DCPS: variants seen among roughly 807,000 people sequenced by gnomAD.
DCPS encodes m7GpppX diphosphatase.
DCPS carries 27 observed loss-of-function variants against 34.7 expected under a neutral mutation model. The ratio of observed to expected loss-of-function variants is 0.78; its 90% CI spans 0.57 to 1.07. The LOEUF (loss-of-function observed/expected upper bound fraction) is 1.07, where lower values mean the gene tolerates loss of function less well. Among genes scored for constraint, DCPS ranks in the 50% least tolerant of loss-of-function variants. The pLI is 0.00. For missense variants in DCPS, 464 were observed against 436.9 expected, an observed-to-expected ratio of 1.06 and a Z score of -0.55; for synonymous variants, 185 against 185.7, an observed-to-expected ratio of 1.00 and a Z score of 0.03.
rs1951632327 is a variant in DCPS, at chr11:126,313,254, C to T, written c.376+6510C>T. On this transcript the variant is annotated intron_variant, in intron 2 of 5. Transcript: ENST00000263579. The surrounding 1 kb of genome is among the most constrained non-coding windows in gnomAD (Gnocchi z 4.9). Reference sequence around the variant, plus strand: ...ATCCTGGGAATCGTTTCTCTGGTTGCAGGGAACTCCCGGTACTGTAGCCAC... The same window carrying T: ...ATCCTGGGAATCGTTTCTCTGGTTGTAGGGAACTCCCGGTACTGTAGCCAC... Among the ~76,000 whole-genome samples the T allele has an allele frequency of 6.6e-6, 1 of 152,158 alleles. No individual in the cohort carries two copies. Among genetic ancestry groups the T allele is most frequent in the Non-Finnish European group, 1.5e-5 (1 of 68,030 alleles).
chr11:126,345,292 C>T lies in DCPS; in HGVS notation c.748-55C>T, dbSNP rs912792065. On this transcript the variant is annotated intron_variant, in intron 5 of 5. Coordinates refer to ENST00000263579, the MANE Select transcript of DCPS (RefSeq NM_014026.6). This position sits in a 1 kb window ranked among gnomAD's most constrained non-coding sequence, Gnocchi z 7.4. Reference sequence around the variant, plus strand: ...GAGGAGGGTCTAGGTGGGGACATGGCGCCGGGCCTCAGGCAGCACGGTGAC... The same window carrying T: ...GAGGAGGGTCTAGGTGGGGACATGGTGCCGGGCCTCAGGCAGCACGGTGAC... 71 of 1,597,728 alleles carry T rather than the reference C, an allele frequency of 4.4e-5. No homozygotes were observed. The highest frequency in any genetic ancestry group is 1.8e-4 in the Admixed American group (11 of 59,562).
rs558922669 is a variant in DCPS at position 126,304,064 on chromosome 11, A to C, written c.-17A>C. On this transcript the variant is annotated 5_prime_UTR_variant, in exon 1 of 6. Coordinates refer to ENST00000263579, the MANE Select transcript of DCPS (RefSeq NM_014026.6). ...GCCAGCGCAGGGGGCGCAGGCGCAC[A>C]CCGCCTCCGCGGCAGCATGGCGGAC... 1.3e-6 allele frequency: 2 copies of C among 1,574,538 alleles called. No individual in the cohort carries two copies. Among genetic ancestry groups the C allele is most frequent in the South Asian group, 2.3e-5 (2 of 87,764 alleles).
At chr11:126,311,558 T>C (rs539800134) in intron 2 of DCPS, among the ~76,000 whole-genome samples, 10 of 152,276 alleles carry the variant, frequency 6.6e-5, no homozygotes, top group Non-Finnish European at 1.3e-4. Context: ...GCAGTGGAGC[T>C]GACACCCAGG....
At position 126,348,022 on chromosome 11, in the gene DCPS, G is replaced by A. The variant is rs550643827; in HGVS notation, c.*2409G>A. ...TCCACGGGCTCCCGCTGACCTTGCC[G>A]TTCCTTCCCCTCATCTCGTAGCGCC... On this transcript the variant is annotated 3_prime_UTR_variant, in exon 6 of 6. Transcript: ENST00000263579. The surrounding 1 kb of genome is among the most constrained non-coding windows in gnomAD (Gnocchi z 5.3). 1.2e-4 allele frequency among the ~76,000 whole-genome samples: 19 copies of A among 152,086 alleles called. No homozygotes were observed. Among genetic ancestry groups the A allele is most frequent in the Admixed American group, 7.2e-4 (11 of 15,270 alleles).
intron 2 of DCPS, among the ~76,000 whole-genome samples, chr11:126,309,344 C>T (rs983622609): frequency 7.2e-5 from 11 of 152,146 alleles, no homozygotes; most frequent in African/African-American, 2.7e-4. Context: ...TAAGTCATCC[C>T]TCAGTATCCA....
At position 126,345,572 on chromosome 11, in the gene DCPS, G is replaced by A. The variant is rs780170888; in HGVS notation, c.973G>A (p.Asp325Asn). 4.3e-5 allele frequency: 69 copies of A among 1,613,682 alleles called. No homozygotes were observed. Among genetic ancestry groups the A allele is most frequent in the Non-Finnish European group, 5.8e-5 (69 of 1,180,008 alleles). The change falls in exon 6 of 6, where the codon GAC becomes AAC. Residue 325 changes from aspartate (D) to asparagine (N), a missense_variant. By Grantham distance (23) the Asp-to-Asn change is conservative. Coordinates refer to ENST00000263579, the MANE Select transcript of DCPS (RefSeq NM_014026.6). The surrounding 1 kb of genome is among the most constrained non-coding windows in gnomAD (Gnocchi z 7.4). ...GCTCACCTTCGCCCTCAGGGCTGAC[G>A]ACCCCCTGCTCAAGCTCTTGCAGGA... is the stretch of plus-strand genomic sequence containing the variant. ...RTLTFALRAD[D>N]PLLKLLQEAQ...
Position 126,315,290 on chromosome 11 carries a change from T to C in DCPS, c.376+8546T>C, listed in dbSNP as rs545067687. On this transcript the variant is annotated intron_variant, in intron 2 of 5. Transcript: ENST00000263579. The surrounding 1 kb of genome is among the most constrained non-coding windows in gnomAD (Gnocchi z 6.1). Reference sequence around the variant, plus strand: ...AAGAATATTTCTGGGCTGGGTGCAGTAGCTCATGCCTGTAATTCCAGCACT... The same window carrying C: ...AAGAATATTTCTGGGCTGGGTGCAGCAGCTCATGCCTGTAATTCCAGCACT... Among the ~76,000 whole-genome samples, 2 of 152,228 alleles carry C rather than the reference T, an allele frequency of 1.3e-5. No homozygotes were observed. Among genetic ancestry groups the C allele is most frequent in the East Asian group, 3.9e-4 (2 of 5,184 alleles).
In DCPS at chr11:126,335,151, A is replaced by G. The variant is rs1951822987; in HGVS notation, c.523-3135A>G. Among the ~76,000 whole-genome samples the G allele has an allele frequency of 6.6e-6, 1 of 152,248 alleles. No individual in the cohort carries two copies. The highest frequency in any genetic ancestry group is 1.5e-5 in the Non-Finnish European group (1 of 68,038). On this transcript the variant is annotated intron_variant, in intron 3 of 5. Transcript: ENST00000263579. This position sits in a 1 kb window ranked among gnomAD's most constrained non-coding sequence, Gnocchi z 4.8. ...GACACCTGGGAGACGTGGCCAGGCCACACATGGCTGGAGGGGAAGTGCAAG... is the reference window on the plus strand; with the variant it reads ...GACACCTGGGAGACGTGGCCAGGCCGCACATGGCTGGAGGGGAAGTGCAAG...
chr11:126,341,258 T>C (rs1468922555), intron 4 of DCPS: 1 of 152,222 alleles, frequency 6.6e-6, no homozygotes, highest in African/African-American at 2.4e-5. Flanking sequence ...GATTTTACTG[T>C]CTTGACTTGT....
In DCPS at chr11:126,327,724, G is replaced by A. The variant is rs1206058679; in HGVS notation, c.377-3681G>A. Among the ~76,000 whole-genome samples, 1 of 152,136 alleles carries A rather than the reference G, an allele frequency of 6.6e-6. No homozygotes were observed. The highest frequency in any genetic ancestry group is 1.5e-5 in the Non-Finnish European group (1 of 68,026). The stretch of plus-strand genomic sequence containing the variant: ...TATCAGAGAGGTTTTATTTCATCTG[G>A]GACAAAAATGCTCTTCCTGGGTTTA... On this transcript the variant is annotated intron_variant, in intron 2 of 5. Coordinates refer to ENST00000263579, the MANE Select transcript of DCPS (RefSeq NM_014026.6). This position sits in a 1 kb window ranked among gnomAD's most constrained non-coding sequence, Gnocchi z 4.1.
At chr11:126,330,935 CA>C (rs1951785093) in intron 2 of DCPS, among the ~76,000 whole-genome samples, 1 of 151,392 alleles carries the variant, frequency 6.6e-6, no homozygotes, top group Non-Finnish European at 1.5e-5. Context: ...GGGGTTTCTC[CA>C]CGTTGGTCAG....
rs754539521 is a variant in DCPS, at chr11:126,306,650, G to A, written c.282G>A (p.Val94=). The change falls in exon 2 of 6, where the codon GTG becomes GTA. Residue 94 remains valine, a synonymous_variant. Coordinates refer to ENST00000263579, the MANE Select transcript of DCPS (RefSeq NM_014026.6). ...AGACGCCATTTCAGGTGGAACAGGTGGCTCAGCTCCTGACGGGCAGCCCTG... is the reference window on the plus strand; with the variant it reads ...AGACGCCATTTCAGGTGGAACAGGTAGCTCAGCTCCTGACGGGCAGCCCTG... ...LEKTPFQVEQ[V]AQLLTGSPEL... 1.2e-6 allele frequency: 2 copies of A among 1,613,968 alleles called. No individual in the cohort carries two copies. The highest frequency in any genetic ancestry group is 1.6e-4 in the Middle Eastern group (1 of 6,062).
rs79428965 is a variant in DCPS, at chr11:126,328,217, G to A, written c.377-3188G>A. ...ATGAAGGTGGAAAGAGGGCCAGGGC[G>A]AGGTGACCAACAGCCTCGTAGTCCA... On this transcript the variant is annotated intron_variant, in intron 2 of 5. Transcript: ENST00000263579. This position sits in a 1 kb window ranked among gnomAD's most constrained non-coding sequence, Gnocchi z 6.6. 3.7e-3 allele frequency among the ~76,000 whole-genome samples: 570 copies of A among 152,316 alleles called. 3 individuals carry two copies. Among genetic ancestry groups the A allele is most frequent in the African/African-American group, 0.012 (519 of 41,568 alleles).
chr11:126,331,338 C>A lies in DCPS; in HGVS notation c.377-67C>A. ...AGCCAGGGTGGGAGTTCTCTCCTCA[C>A]CGTGGTGCCTGTGGCATAGAGAGTG... On this transcript the variant is annotated intron_variant, in intron 2 of 5. Coordinates refer to ENST00000263579, the MANE Select transcript of DCPS (RefSeq NM_014026.6). This position sits in a 1 kb window ranked among gnomAD's most constrained non-coding sequence, Gnocchi z 7.2. The A allele has an allele frequency of 6.3e-7, 1 of 1,583,384 alleles. No individual in the cohort carries two copies. The highest frequency in any genetic ancestry group is 8.6e-7 in the Non-Finnish European group (1 of 1,163,746).
intron 2 of DCPS, among the ~76,000 whole-genome samples, chr11:126,308,388 T>C (rs866213652): frequency 1.3e-5 from 2 of 152,218 alleles, no homozygotes; most frequent in Non-Finnish European, 2.9e-5. Flanking sequence ...TAGATATTCT[T>C]TTCTGCCCTC....
rs1023391507 is a variant in DCPS, at chr11:126,336,957, C to G, written c.523-1329C>G. On this transcript the variant is annotated intron_variant, in intron 3 of 5. Transcript: ENST00000263579. The surrounding 1 kb of genome is among the most constrained non-coding windows in gnomAD (Gnocchi z 6.3). ...GTGGGTAGAGAGTTGCAGGAGACCT[C>G]GAGGCCCAGCTGCCCTCTCCCCCGG... 6.6e-6 allele frequency: 1 copy of G among 152,294 alleles called. No individual in the cohort carries two copies. The highest frequency in any genetic ancestry group is 2.4e-5 in the African/African-American group (1 of 41,408). The allele number at this position is 152,294 out of a possible 1,614,324, so 9.4% of individuals were successfully genotyped here.
intron 2 of DCPS, among the ~76,000 whole-genome samples, chr11:126,314,612 G>A (rs1204047242): frequency 6.6e-6 from 1 of 152,032 alleles, no homozygotes; most frequent in Non-Finnish European, 1.5e-5. Flanking sequence ...ATCAACAAGT[G>A]GATAAAGAAA....
rs1364580726 is a variant in DCPS, at chr11:126,331,207, A to T, written c.377-198A>T. Among the ~76,000 whole-genome samples, 4 of 152,080 alleles carry T rather than the reference A, an allele frequency of 2.6e-5. No individual in the cohort carries two copies. The highest frequency in any genetic ancestry group is 9.7e-5 in the African/African-American group (4 of 41,416). ...CAGGTAAGAACCTTGTGTTTTCCAG[A>T]TTCTGAGTGTGGCTCAGCTCGTGAA... On this transcript the variant is annotated intron_variant, in intron 2 of 5. Transcript: ENST00000263579. The surrounding 1 kb of genome is among the most constrained non-coding windows in gnomAD (Gnocchi z 7.2).
chr11:126,339,056 T>A (rs1321464370), intron 4 of DCPS, among the ~76,000 whole-genome samples: 1 of 152,188 alleles, frequency 6.6e-6, no homozygotes, highest in Non-Finnish European at 1.5e-5. Context: ...TACCACCACC[T>A]CTTTTATACC....
Sources: gnomAD v4.1 joint callset for allele counts (sites outside exome capture counted in the v4.1 genomes callset) on GRCh38, gnomAD v4.1.1 for gene constraint, Gnocchi (gnomAD v3.1) non-coding constraint, MANE v1.5 for transcripts, NCBI Gene and HGNC (gene_info 2026-07-23, HGNC 2026-07-21) for gene names.